DYNC2H1: variants seen among roughly 807,000 people sequenced by gnomAD.
DYNC2H1 encodes cytoplasmic dynein 2 heavy chain 1.
Under a neutral mutation model 570.0 loss-of-function variants are expected in DYNC2H1, and 410 were observed. The observed-to-expected ratio is 0.72, with a 90% confidence interval of 0.66 to 0.78. The LOEUF is 0.78. DYNC2H1 is among the 30% of genes least tolerant of loss of function. The pLI is 0.00. For missense variants in DYNC2H1, 4,865 were observed against 5,046.4 expected (o/e 0.96, Z 1.09); for synonymous variants, 1,688 against 1,677.6 (o/e 1.01, Z -0.15).
At position 103,166,055 on chromosome 11, in the gene DYNC2H1, A is replaced by G; in HGVS notation, c.4762+7A>G. ...GAGGATCCAGGGAATACTGGTATGG[A>G]AAAGACATTCCCTTTTCTGCCTGGT... On this transcript the variant is annotated splice_region_variant and intron_variant, in intron 31 of 88. Coordinates refer to ENST00000375735, the MANE Select transcript of DYNC2H1 (RefSeq NM_001377.3). 6.7e-7 allele frequency: 1 copy of G among 1,494,558 alleles called. No homozygotes were observed. The highest frequency in any genetic ancestry group is 8.9e-7 in the Non-Finnish European group (1 of 1,120,518). 92.6% of individuals were successfully genotyped at this position (1,494,558 alleles called of 1,614,324 possible). A position where few individuals can be genotyped will look rare whatever the true frequency, so the allele number is the denominator to read the frequency against.
intron 81 of DYNC2H1, among the ~76,000 whole-genome samples, chr11:103,323,314 T>G (rs1938308021): frequency 6.6e-6 from 1 of 152,126 alleles, no homozygotes; most frequent in Non-Finnish European, 1.5e-5. Context: ...TAGGATGAAA[T>G]GATAGGATTA....
intron 4 of DYNC2H1, among the ~76,000 whole-genome samples, 183 bp from the exon 5 acceptor site, chr11:103,116,387 T>A (rs1174665174): frequency 6.6e-6 from 1 of 152,078 alleles, no homozygotes; most frequent in Non-Finnish European, 1.5e-5. Flanking sequence ...ATGACATTGA[T>A]GTTTGGGGGG....
chr11:103,120,681 G>T lies in DYNC2H1; in HGVS notation c.1135-8G>T. 1 of 1,610,110 alleles carries T rather than the reference G, an allele frequency of 6.2e-7. No homozygotes were observed. Among genetic ancestry groups the T allele is most frequent in the Non-Finnish European group, 8.5e-7 (1 of 1,178,246 alleles). On this transcript the variant is annotated splice_polypyrimidine_tract_variant and splice_region_variant and intron_variant, in intron 7 of 88. Coordinates refer to ENST00000375735, the MANE Select transcript of DYNC2H1 (RefSeq NM_001377.3). ...ACTAAAGTCTAACAATGTTGTTAAT[G>T]TATGTAGCCCTTGTGGAAAGCTGCG...
chr11:103,409,921 G>A (rs1943013035), intron 84 of DYNC2H1, among the ~76,000 whole-genome samples: 1 of 152,028 alleles, frequency 6.6e-6, no homozygotes, highest in South Asian at 2.1e-4. Flanking sequence ...TTCCCTTATG[G>A]TACTATGTCT....
At chr11:103,141,409 T>C (rs1859918514) in intron 17 of DYNC2H1, among the ~76,000 whole-genome samples, 1 of 152,190 alleles carries the variant, frequency 6.6e-6, no homozygotes, top group Non-Finnish European at 1.5e-5. Flanking sequence ...GTTTGTTAGT[T>C]TTCCTTCTAC....
intron 55 of DYNC2H1, 47 bp from the exon 56 acceptor site, chr11:103,219,868 T>C (rs1332919114): frequency 9.4e-7 from 1 of 1,065,416 alleles, no homozygotes; most frequent in Non-Finnish European, 1.3e-6. Context: ...TGCTTTTAAA[T>C]ATCAAGCATT....
chr11:103,256,057 G>A lies in DYNC2H1; in HGVS notation c.10327-49G>A. On this transcript the variant is annotated intron_variant, in intron 67 of 88. Transcript: ENST00000375735. The surrounding 1 kb of genome is among the most constrained non-coding windows in gnomAD (Gnocchi z 4.0). The stretch of plus-strand genomic sequence containing the variant: ...AGTTAATATGGGTTTGCTTTAATTG[G>A]TTATTTTTATATGTATAATAATATT... 1 of 1,473,548 alleles carries A rather than the reference G, an allele frequency of 6.8e-7. No homozygotes were observed. The highest frequency in any genetic ancestry group is 9.1e-7 in the Non-Finnish European group (1 of 1,095,836). The allele number at this position is 1,473,548 out of a possible 1,614,324, so 91.3% of individuals were successfully genotyped here. A position where few individuals can be genotyped will look rare whatever the true frequency, so the allele number is the denominator to read the frequency against.
intron 3 of DYNC2H1, 34 bp downstream of exon 3, chr11:103,114,272 A>G (rs1858265563): frequency 3.3e-6 from 5 of 1,517,906 alleles, no homozygotes; most frequent in Non-Finnish European, 4.4e-6. Flanking sequence ...AGAGAGTACA[A>G]AATGATTGTC....
intron 84 of DYNC2H1, among the ~76,000 whole-genome samples, chr11:103,418,479 A>T (rs1254285747): frequency 2.0e-5 from 3 of 152,200 alleles, no homozygotes. Flanking sequence ...AGAAGACCTA[A>T]ATATATGGAA....
At chr11:103,310,377 T>G (rs752367383) in intron 78 of DYNC2H1, among the ~76,000 whole-genome samples, 26 of 152,144 alleles carry the variant, frequency 1.7e-4, no homozygotes, top group Admixed American at 5.2e-4. Context: ...GTCTTTGGCT[T>G]TATTTCATAA....
intron 84 of DYNC2H1, among the ~76,000 whole-genome samples, chr11:103,416,597 T>C (rs71480490): frequency 0.052 from 7,927 of 152,246 alleles, 388 homozygotes; most frequent in East Asian, 0.19. Flanking sequence ...CTGGGAAAAC[T>C]GGCTAGCCAT....
At position 103,410,705 on chromosome 11, in the gene DYNC2H1, C is replaced by T. The variant is rs1289365440; in HGVS notation, c.12366+10833C>T. Among the ~76,000 whole-genome samples, 4 of 152,084 alleles carry T rather than the reference C, an allele frequency of 2.6e-5. No homozygotes were observed. The East Asian group carries it at 7.7e-4, about 29-fold the overall frequency. On this transcript the variant is annotated intron_variant, in intron 84 of 88. Coordinates refer to ENST00000375735, the MANE Select transcript of DYNC2H1 (RefSeq NM_001377.3). ...ACATTCGTAGTATGTTTTATTTCAG[C>T]CTAAGTTTTTTACAACTTAAATGGA...
Position 103,371,323 on chromosome 11 carries a change from G to A in DYNC2H1, c.12156+12964G>A, listed in dbSNP as rs114475927. The stretch of plus-strand genomic sequence containing the variant: ...AGGTTCTAGAAAGTAGACTGAAAAG[G>A]GCACATCTAAGAGTTATTGGCCTTA... On this transcript the variant is annotated intron_variant, in intron 83 of 88. Transcript: ENST00000375735. 5.9e-3 allele frequency among the ~76,000 whole-genome samples: 900 copies of A among 152,096 alleles called. 6 individuals carry two copies. Among genetic ancestry groups the A allele is most frequent in the African/African-American group, 0.021 (852 of 41,480 alleles).
At chr11:103,137,414 G>T (rs1391881711) in intron 17 of DYNC2H1, among the ~76,000 whole-genome samples, 1 of 151,900 alleles carries the variant, frequency 6.6e-6, no homozygotes, top group Non-Finnish European at 1.5e-5. Flanking sequence ...TAAGGTGTAA[G>T]GAAGGGATCC....
chr11:103,140,173 G>T (rs890772249), intron 17 of DYNC2H1, among the ~76,000 whole-genome samples: 1 of 152,090 alleles, frequency 6.6e-6, no homozygotes, highest in Non-Finnish European at 1.5e-5. Flanking sequence ...TATCCAATTT[G>T]CCAGTCTGTG....
rs1253788452 is a variant in DYNC2H1, at chr11:103,204,852, T to A, written c.8342T>A (p.Ile2781Lys). The change falls in exon 52 of 89, where the codon ATA becomes AAA. Residue 2781 changes from isoleucine (I) to lysine (K), a missense_variant. Around this residue, in one of 5 missense-constraint regions of DYNC2H1, gnomAD observed 2,401 missense variants for 2,454.6 expected, o/e 0.98. Coordinates refer to ENST00000375735, the MANE Select transcript of DYNC2H1 (RefSeq NM_001377.3). This position sits in a 1 kb window ranked among gnomAD's most constrained non-coding sequence, Gnocchi z 4.1. ...CAGCAAAACTTGCATATTGTCTTGATAATGGATTCTGCAAATTCAAACTTC... is the reference window on the plus strand; with the variant it reads ...CAGCAAAACTTGCATATTGTCTTGAAAATGGATTCTGCAAATTCAAACTTC... Reference protein sequence around the residue: ...RIQQNLHIVLIMDSANSNFMI... With the variant: ...RIQQNLHIVLKMDSANSNFMI... 2 of 1,588,904 alleles carry A rather than the reference T, an allele frequency of 1.3e-6. No homozygotes were observed. The highest frequency in any genetic ancestry group is 8.6e-7 in the Non-Finnish European group (1 of 1,166,252).
At chr11:103,147,974 A>T in intron 19 of DYNC2H1, 87 bp downstream of exon 19, 2 of 1,010,584 alleles carry the variant, frequency 2.0e-6, no homozygotes, top group Non-Finnish European at 2.8e-6. Context: ...AATTTCAATG[A>T]TCATTAAAAA....
At chr11:103,296,563 T>G (rs1866834992) in intron 75 of DYNC2H1, among the ~76,000 whole-genome samples, 1 of 152,168 alleles carries the variant, frequency 6.6e-6, no homozygotes, top group African/African-American at 2.4e-5. Flanking sequence ...AATTCTTCAT[T>G]TCCCATCAAC....
At chr11:103,422,480 G>T (rs898031978) in intron 84 of DYNC2H1, among the ~76,000 whole-genome samples, 5 of 152,006 alleles carry the variant, frequency 3.3e-5, no homozygotes, top group Non-Finnish European at 7.4e-5. Context: ...ACATCAAAAA[G>T]CTTATCCACC....
Sources: allele counts gnomAD v4.1 joint callset (sites outside exome capture counted in the v4.1 genomes callset), GRCh38; gene constraint gnomAD v4.1.1; regional missense constraint gnomAD v4.1.1; non-coding constraint Gnocchi (gnomAD v3.1); transcripts MANE v1.5; gene names NCBI Gene and HGNC (gene_info 2026-07-23, HGNC 2026-07-21).